Variants in FNDC3B observed in about 807,000 individuals in gnomAD.
The protein encoded by FNDC3B is fibronectin type III domain containing 3B, also known as fibronectin type III domain-containing protein 3B.
Under a neutral mutation model 151.5 loss-of-function variants are expected in FNDC3B, and 12 were observed. The ratio of observed to expected loss-of-function variants is 0.08; its 90% confidence interval spans 0.05 to 0.13. The LOEUF (loss-of-function observed/expected upper bound fraction) is 0.13. FNDC3B is among the 10% of genes least tolerant of loss of function. The pLI, the probability that FNDC3B is intolerant of heterozygous loss-of-function variation, is 1.00. For missense variants in FNDC3B, 1,214 were observed against 1,505.3 expected, an observed-to-expected ratio of 0.81 and a Z score of 3.20; for synonymous variants, 528 against 549.0, an observed-to-expected ratio of 0.96 and a Z score of 0.54.
chr3:172,304,125 G>A (rs1731073231), intron 9 of FNDC3B, among the ~76,000 whole-genome samples: 1 of 152,118 alleles, frequency 6.6e-6, no homozygotes, highest in Admixed American at 6.6e-5. Context: ...TCCCAGCCTG[G>A]CCACCAGGAG....
chr3:172,235,951 G>A (rs148699291), intron 4 of FNDC3B, among the ~76,000 whole-genome samples: 98 of 152,308 alleles, frequency 6.4e-4, no homozygotes, highest in South Asian at 2.1e-4. Flanking sequence ...CTTCTGTGAT[G>A]GGTAATGGAC....
At chr3:172,289,873 A>T (rs546612349) in intron 7 of FNDC3B, among the ~76,000 whole-genome samples, 3 of 152,364 alleles carry the variant, frequency 2.0e-5, no homozygotes, top group South Asian at 2.1e-4. Context: ...TGGGTAAGTT[A>T]CATCATTTCT....
intron 9 of FNDC3B, among the ~76,000 whole-genome samples, chr3:172,303,312 C>CAAA: frequency 6.6e-6 from 1 of 152,224 alleles, no homozygotes; most frequent in African/African-American, 2.4e-5. Flanking sequence ...TCCGCCTAAA[C>CAAA]AATTTGGCAA....
At chr3:172,243,886 C>G (rs1334437819) in intron 4 of FNDC3B, among the ~76,000 whole-genome samples, 1 of 152,130 alleles carries the variant, frequency 6.6e-6, no homozygotes, top group Non-Finnish European at 1.5e-5. Context: ...ATAAGTCAGC[C>G]CATGATAGGT....
In FNDC3B at chr3:172,226,859, CGT is replaced by C; in HGVS notation, c.188-11_188-10del. On this transcript the variant is annotated splice_polypyrimidine_tract_variant and intron_variant, in intron 3 of 25. Transcript: ENST00000415807. The stretch of plus-strand genomic sequence containing the variant: ...TTTCTTCAGCTATTAACATCTGACT[CGT>C]CTGTTTTAGGACCTGCTGAAGTTCC... 6.4e-7 allele frequency: 1 copy of C among 1,565,988 alleles called. No individual in the cohort carries two copies. The highest frequency in any genetic ancestry group is 8.8e-7 in the Non-Finnish European group (1 of 1,136,312).
At chr3:172,246,712 G>C (rs755125980) in intron 4 of FNDC3B, among the ~76,000 whole-genome samples, 1 of 152,188 alleles carries the variant, frequency 6.6e-6, no homozygotes, top group Admixed American at 6.5e-5. Flanking sequence ...TCACACCTGC[G>C]TGTAGCCACT....
At chr3:172,134,839 C>T (rs576789425) in intron 3 of FNDC3B, among the ~76,000 whole-genome samples, 1 of 151,998 alleles carries the variant, frequency 6.6e-6, no homozygotes, top group South Asian at 2.1e-4. Flanking sequence ...TAGTCTTAGT[C>T]GATGCACAAT....
At chr3:172,133,098 G>T (rs1217395785) in intron 2 of FNDC3B, among the ~76,000 whole-genome samples, 2 of 152,128 alleles carry the variant, frequency 1.3e-5, no homozygotes, top group Non-Finnish European at 2.9e-5. Context: ...AGCACTGTTA[G>T]GTCAAAACCT....
intron 6 of FNDC3B, among the ~76,000 whole-genome samples, chr3:172,282,152 A>G (rs1265189736): frequency 6.6e-6 from 1 of 152,202 alleles, no homozygotes; most frequent in Non-Finnish European, 1.5e-5. Flanking sequence ...GCTTTCGTAC[A>G]AGAGTTGATC....
chr3:172,211,737 C>T (rs1033436247), intron 3 of FNDC3B, among the ~76,000 whole-genome samples: 5 of 152,148 alleles, frequency 3.3e-5, no homozygotes, highest in African/African-American at 1.2e-4. Context: ...AAACCCTTTA[C>T]CAGTTAGGAT....
chr3:172,337,293 C>T, intron 15 of FNDC3B, 37 bp from the exon 16 acceptor site: 10 of 1,367,826 alleles, frequency 7.3e-6, no homozygotes, highest in Non-Finnish European at 1.0e-5. Flanking sequence ...AAATCAATAT[C>T]CTTTTATTGC....
intron 22 of FNDC3B, 125 bp downstream of exon 22, chr3:172,353,208 A>G (rs1192352157): frequency 1.1e-6 from 1 of 918,518 alleles, no homozygotes; most frequent in African/African-American, 1.7e-5. Flanking sequence ...AGATGTCCAG[A>G]GTATTGTCTC....
chr3:172,247,905 T>TG (rs1727865447), intron 5 of FNDC3B, 129 bp downstream of exon 5: 2 of 1,007,558 alleles, frequency 2.0e-6, no homozygotes, highest in Admixed American at 2.4e-5. Context: ...GTAAGACTCA[T>TG]GGGGAATTCC....
intron 21 of FNDC3B, among the ~76,000 whole-genome samples, chr3:172,349,649 T>C (rs1733764960): frequency 1.3e-5 from 2 of 152,126 alleles, no homozygotes; most frequent in Non-Finnish European, 2.9e-5. Context: ...GATAATGTTT[T>C]TCTTTTCTTT....
At chr3:172,109,682 G>C (rs1719863633) in intron 1 of FNDC3B, among the ~76,000 whole-genome samples, 1 of 152,206 alleles carries the variant, frequency 6.6e-6, no homozygotes, top group South Asian at 2.1e-4. Context: ...AGGAGTGTTT[G>C]TACATACAGC....
At chr3:172,148,733 A>C (rs1482852137) in intron 3 of FNDC3B, among the ~76,000 whole-genome samples, 1 of 152,224 alleles carries the variant, frequency 6.6e-6, no homozygotes, top group African/African-American at 2.4e-5. Flanking sequence ...TATTATTAGT[A>C]ATTACAGTTA....
At chr3:172,127,938 G>T (rs376940042) in intron 2 of FNDC3B, among the ~76,000 whole-genome samples, 4 of 152,306 alleles carry the variant, frequency 2.6e-5, no homozygotes, top group Admixed American at 6.5e-5. Context: ...GATTATAGGC[G>T]TGAGCCACCA....
intron 3 of FNDC3B, among the ~76,000 whole-genome samples, chr3:172,208,885 G>A (rs1028912239): frequency 3.9e-5 from 6 of 152,178 alleles, no homozygotes; most frequent in Non-Finnish European, 1.5e-5. Context: ...CCATGCACCA[G>A]CATAGGTGCT....
chr3:172,134,220 T>C, intron 3 of FNDC3B: 1 of 405,692 alleles, frequency 2.5e-6, no homozygotes, highest in South Asian at 1.7e-5. Context: ...TTATTACAGC[T>C]CCTAGCACAC....
Sources: gnomAD v4.1 joint callset for allele counts (sites outside exome capture counted in the v4.1 genomes callset) on GRCh38, gnomAD v4.1.1 for gene constraint, MANE v1.5 for transcripts, NCBI Gene and HGNC (gene_info 2026-07-23, HGNC 2026-07-21) for gene names.